STXBP5: variants seen among roughly 807,000 people sequenced by gnomAD.
The protein encoded by STXBP5 is syntaxin-binding protein 5.
STXBP5 carries 50 observed loss-of-function variants against 152.4 expected under a neutral mutation model. The ratio of observed to expected loss-of-function variants is 0.33; its 90% CI spans 0.26 to 0.42. The LOEUF is 0.42. STXBP5 is among the 10% of genes least tolerant of loss of function. The probability of loss-of-function intolerance (pLI) is 1.00; values close to 1 mark genes in which losing one functional copy is unlikely to be tolerated. For missense variants in STXBP5, 1,167 were observed against 1,388.6 expected, an observed-to-expected ratio of 0.84 and a Z score of 2.54; for synonymous variants, 492 against 494.7, an observed-to-expected ratio of 0.99 and a Z score of 0.07.
chr6:147,386,543 G>T lies in STXBP5; in HGVS notation c.*1788G>T, dbSNP rs192144483. On this transcript the variant is annotated 3_prime_UTR_variant, in exon 28 of 28. Transcript: ENST00000321680. ...ATAGAGATAATTGATCAAGCCAAAA[G>T]AAATATTTTTTAAATAAGCCCTTTT... is the stretch of plus-strand genomic sequence containing the variant. 1.3e-5 allele frequency: 2 copies of T among 151,780 alleles called. No individual in the cohort carries two copies. The highest frequency in any genetic ancestry group is 3.9e-4 in the East Asian group (2 of 5,170). The allele number at this position is 151,780 out of a possible 1,614,324, so 9.4% of individuals were successfully genotyped here. A position where few individuals can be genotyped will look rare whatever the true frequency, so the allele number is the denominator to read the frequency against.
At chr6:147,295,852 T>C (rs1781493592) in intron 9 of STXBP5, among the ~76,000 whole-genome samples, 1 of 152,190 alleles carries the variant, frequency 6.6e-6, no homozygotes, top group South Asian at 2.1e-4. Flanking sequence ...CCCAAGCTGC[T>C]ATAGTATGGT....
chr6:147,332,254 A>T (rs1391742366), intron 18 of STXBP5, among the ~76,000 whole-genome samples: 1 of 152,230 alleles, frequency 6.6e-6, no homozygotes, highest in African/African-American at 2.4e-5. Flanking sequence ...AGCAAAACAG[A>T]CAAAATTCTC....
At chr6:147,260,019 AC>A (rs1779568710) in intron 4 of STXBP5, among the ~76,000 whole-genome samples, 1 of 152,162 alleles carries the variant, frequency 6.6e-6, no homozygotes, top group Non-Finnish European at 1.5e-5. Flanking sequence ...ATTGTCTAAG[AC>A]TGAGTACAGG....
At chr6:147,260,830 A>G (rs560977001) in intron 5 of STXBP5, 81 bp downstream of exon 5, 1 of 1,462,530 alleles carries the variant, frequency 6.8e-7, no homozygotes, top group Admixed American at 2.2e-5. Flanking sequence ...CAATCAGTAA[A>G]TCTGTATGGA....
chr6:147,273,949 CAAAA>C, intron 7 of STXBP5, among the ~76,000 whole-genome samples: 1 of 84,752 alleles, frequency 1.2e-5, no homozygotes, highest in African/African-American at 4.5e-5. Flanking sequence ...GAGACTCTGG[CAAAA>C]AAAAAAAAAA....
chr6:147,366,212 T>TA (rs1482669724), intron 25 of STXBP5, among the ~76,000 whole-genome samples: 12 of 152,202 alleles, frequency 7.9e-5, no homozygotes, highest in Non-Finnish European at 1.5e-4. Context: ...GAGTATACCA[T>TA]ACGTGCTATT....
chr6:147,257,860 G>A (rs1249222494), intron 4 of STXBP5, among the ~76,000 whole-genome samples: 2 of 152,166 alleles, frequency 1.3e-5, no homozygotes, highest in African/African-American at 4.8e-5. Flanking sequence ...TCATAGTTCT[G>A]TTGGGTCGGC....
At chr6:147,375,007 T>C (rs1337873917) in intron 26 of STXBP5, among the ~76,000 whole-genome samples, 2 of 152,096 alleles carry the variant, frequency 1.3e-5, no homozygotes, top group African/African-American at 2.4e-5. Context: ...ACTGCTAGAG[T>C]CCCTAGCTCC....
intron 7 of STXBP5, among the ~76,000 whole-genome samples, chr6:147,273,930 C>T (rs1396312092): frequency 2.0e-5 from 3 of 146,962 alleles, no homozygotes; most frequent in East Asian, 4.0e-4. Context: ...CCAGCCTGGG[C>T]GACAGAGCGA....
rs76754313 is a variant in STXBP5 at position 147,331,753 on chromosome 6, G to A, written c.2081-2404G>A. Among the ~76,000 whole-genome samples, 640 of 148,470 alleles carry A rather than the reference G, an allele frequency of 4.3e-3. 12 individuals are homozygous for A. The highest frequency in any genetic ancestry group is 0.034 in the Admixed American group (507 of 14,710). The stretch of plus-strand genomic sequence containing the variant: ...ATTTTCCCCTCATTTTTAAATCAGG[G>A]CATTATAAAAAGCAGATTTTGTCCT... On this transcript the variant is annotated intron_variant, in intron 18 of 27. Transcript: ENST00000321680.
chr6:147,271,299 AATGACT>A (rs1323638324), intron 7 of STXBP5, among the ~76,000 whole-genome samples: 2 of 152,138 alleles, frequency 1.3e-5, no homozygotes, highest in Non-Finnish European at 2.9e-5. Flanking sequence ...AGGAAACCAA[AATGACT>A]ATATTAATAT....
intron 23 of STXBP5, 142 bp downstream of exon 23, chr6:147,359,465 T>A (rs1411610327): frequency 1.9e-6 from 2 of 1,039,794 alleles, no homozygotes; most frequent in African/African-American, 1.6e-5. Context: ...TTATTTATTT[T>A]TTTAATTATT....
At chr6:147,330,533 T>A (rs1430684235) in intron 18 of STXBP5, among the ~76,000 whole-genome samples, 1 of 152,166 alleles carries the variant, frequency 6.6e-6, no homozygotes, top group Non-Finnish European at 1.5e-5. Context: ...CATTTTACAT[T>A]TCAGCTGATT....
intron 21 of STXBP5, among the ~76,000 whole-genome samples, chr6:147,339,863 T>C (rs1784012320): frequency 6.6e-6 from 1 of 152,000 alleles, no homozygotes; most frequent in African/African-American, 2.4e-5. Flanking sequence ...TTTCTAGGAC[T>C]GCCCCTACTC....
chr6:147,369,006 G>A (rs957476943), intron 25 of STXBP5, among the ~76,000 whole-genome samples: 38 of 151,598 alleles, frequency 2.5e-4, no homozygotes, highest in East Asian at 1.2e-3. Flanking sequence ...AAATTCATAC[G>A]TAAATACAAG....
chr6:147,280,227 G>C (rs1780637678), intron 8 of STXBP5, among the ~76,000 whole-genome samples: 1 of 152,024 alleles, frequency 6.6e-6, no homozygotes, highest in Non-Finnish European at 1.5e-5. Flanking sequence ...AAGATTATAG[G>C]TCAGTTATTT....
In STXBP5 at chr6:147,213,477, T is replaced by TGTGTGTGTGCGCGCGC; in HGVS notation, c.248+7410_248+7411insTGTGTGTGCGCGCGCG. ...GTGTGTGTGTGTGTGTGTGTGTGTG[T>TGTGTGTGTGCGCGCGC]GCGCGCGCATATATATATTTTTTCT... On this transcript the variant is annotated intron_variant, in intron 2 of 27. Transcript: ENST00000321680. Among the ~76,000 whole-genome samples, 252 of 131,302 alleles carry TGTGTGTGTGCGCGCGC rather than the reference T, an allele frequency of 1.9e-3. 1 individual carries two copies. The highest frequency in any genetic ancestry group is 4.7e-3 in the African/African-American group (147 of 31,354). The allele number at this position is 131,302 out of a possible 152,430, so 86.1% of individuals were successfully genotyped here. A position where few individuals can be genotyped will look rare whatever the true frequency, so the allele number is the denominator to read the frequency against.
chr6:147,289,969 G>A (rs543749233), intron 8 of STXBP5, among the ~76,000 whole-genome samples: 48 of 152,316 alleles, frequency 3.2e-4, no homozygotes, highest in African/African-American at 1.1e-3. Flanking sequence ...AGGAGACTGC[G>A]GCGGGCAGCT....
At position 147,386,453 on chromosome 6, in the gene STXBP5, C is replaced by T. The variant is rs761139149; in HGVS notation, c.*1698C>T. 1 of 151,590 alleles carries T rather than the reference C, an allele frequency of 6.6e-6. No homozygotes were observed. The highest frequency in any genetic ancestry group is 6.6e-5 in the Admixed American group (1 of 15,174). The allele number at this position is 151,590 out of a possible 1,614,324, so 9.4% of individuals were successfully genotyped here. Reference sequence around the variant, plus strand: ...TGTTTACATTTTATAACATGCACTACTAGATGCAAAAGTTTACATCAAAGT... The same window carrying T: ...TGTTTACATTTTATAACATGCACTATTAGATGCAAAAGTTTACATCAAAGT... On this transcript the variant is annotated 3_prime_UTR_variant, in exon 28 of 28. Coordinates refer to ENST00000321680, the MANE Select transcript of STXBP5 (RefSeq NM_001127715.4).
Sources: allele counts gnomAD v4.1 joint callset (sites outside exome capture counted in the v4.1 genomes callset), GRCh38; gene constraint gnomAD v4.1.1; transcripts MANE v1.5; gene names NCBI Gene and HGNC (gene_info 2026-07-23, HGNC 2026-07-21).